Variants in CASP8 observed in about 807,000 individuals in gnomAD.
The protein encoded by CASP8 is caspase-8.
In CASP8, 24 loss-of-function variants were observed where a neutral mutation model predicts 46.3. The ratio of observed to expected loss-of-function variants is 0.52; its 90% CI spans 0.38 to 0.73. The LOEUF (loss-of-function observed/expected upper bound fraction) is 0.73, where lower values mean the gene tolerates loss of function less well. Among genes scored for constraint, CASP8 ranks in the 30% least tolerant of loss-of-function variants. The pLI is 0.00. For synonymous variants in CASP8, 188 were observed against 200.4 expected (o/e 0.94, Z 0.52); for missense variants, 460 against 559.0 (o/e 0.82, Z 1.79).
In CASP8 at chr2:201,272,211, G is replaced by A. The variant is rs1266028847; in HGVS notation, c.412-427G>A. 6.6e-6 allele frequency among the ~76,000 whole-genome samples: 1 copy of A among 151,824 alleles called. No homozygotes were observed. The highest frequency in any genetic ancestry group is 1.5e-5 in the Non-Finnish European group (1 of 67,954). On this transcript the variant is annotated intron_variant, in intron 3 of 8. Coordinates refer to ENST00000673742, the MANE Select transcript of CASP8 (RefSeq NM_001372051.1). This position sits in a 1 kb window ranked among gnomAD's most constrained non-coding sequence, Gnocchi z 4.4. ...TATACTCTGTGTGTGTTGTATCTGT[G>A]TGTGTATGTGCATGTGGTGTCTGTG...
upstream of CASP8, among the ~76,000 whole-genome samples, chr2:201,259,911 G>T (rs895996718): frequency 6.7e-6 from 1 of 149,656 alleles, no homozygotes; most frequent in Non-Finnish European, 1.5e-5. Context: ...TTTCATTTTA[G>T]AATTTTTTTA....
chr2:201,241,642 GTTC>G (rs1441848824), intron 2 of CASP8: 1 of 152,216 alleles, frequency 6.6e-6, no homozygotes, highest in African/African-American at 2.4e-5. Flanking sequence ...ATTAATGCCA[GTTC>G]TTCTTAAACT....
intron 2 of CASP8, among the ~76,000 whole-genome samples, chr2:201,267,573 G>A (rs1947911193): frequency 6.6e-6 from 1 of 152,218 alleles, no homozygotes; most frequent in Non-Finnish European, 1.5e-5. Context: ...ACCCTAGGGA[G>A]AGTGGGTAAC....
Position 201,266,808 on chromosome 2 carries a change from A to G in CASP8, c.305+17A>G. 6.3e-7 allele frequency: 1 copy of G among 1,599,822 alleles called. No individual in the cohort carries two copies. ...TGCCTACAGGTGGGTGGAAACTCCC[A>G]TTGTGGGACTGGGAGGTGTGGGTTG... is the stretch of plus-strand genomic sequence containing the variant. On this transcript the variant is annotated intron_variant, in intron 2 of 8. Coordinates refer to ENST00000673742, the MANE Select transcript of CASP8 (RefSeq NM_001372051.1). The surrounding 1 kb of genome is among the most constrained non-coding windows in gnomAD (Gnocchi z 5.7).
intron 2 of CASP8, among the ~76,000 whole-genome samples, chr2:201,270,962 G>C (rs1288707472): frequency 6.6e-6 from 1 of 152,210 alleles, no homozygotes; most frequent in East Asian, 1.9e-4. Flanking sequence ...TAGACAAGGG[G>C]ATGGGGTGTA....
intron 2 of CASP8, among the ~76,000 whole-genome samples, chr2:201,245,631 A>G (rs964581202): frequency 5.3e-5 from 8 of 152,200 alleles, no homozygotes; most frequent in Middle Eastern, 3.4e-3. Flanking sequence ...CCACTTCCTT[A>G]TCATAGACCC....
chr2:201,254,561 T>C (rs1946932704), intron 2 of CASP8, among the ~76,000 whole-genome samples: 1 of 152,220 alleles, frequency 6.6e-6, no homozygotes, highest in Admixed American at 6.5e-5. Context: ...ACTCCCACAT[T>C]GGCAACAAAC....
chr2:201,245,249 T>G (rs566090342), intron 2 of CASP8, among the ~76,000 whole-genome samples: 2 of 151,992 alleles, frequency 1.3e-5, no homozygotes, highest in African/African-American at 4.8e-5. Flanking sequence ...TTTATTTGTT[T>G]TTGTTTTTTT....
upstream of CASP8, chr2:201,258,364 C>A (rs1947138527): frequency 6.2e-7 from 1 of 1,613,748 alleles, no homozygotes; most frequent in African/African-American, 1.3e-5. Flanking sequence ...TGCGATGGTG[C>A]CAGGAAAGGG....
In CASP8 at chr2:201,266,850, G is replaced by A; in HGVS notation, c.305+59G>A. 1.5e-6 allele frequency: 2 copies of A among 1,315,986 alleles called. No individual in the cohort carries two copies. Among genetic ancestry groups the A allele is most frequent in the Non-Finnish European group, 2.1e-6 (2 of 943,310 alleles). 81.5% of individuals were successfully genotyped at this position (1,315,986 alleles called of 1,614,324 possible). On this transcript the variant is annotated intron_variant, in intron 2 of 8. Coordinates refer to ENST00000673742, the MANE Select transcript of CASP8 (RefSeq NM_001372051.1). The surrounding 1 kb of genome is among the most constrained non-coding windows in gnomAD (Gnocchi z 5.7). The stretch of plus-strand genomic sequence containing the variant: ...TGTGGGTTGAATGGACAGCCTCTGA[G>A]CTGATTGGGGCTTTTTTTTGTGGTA...
At chr2:201,253,404 G>A (rs949760669) in intron 2 of CASP8, among the ~76,000 whole-genome samples, 3 of 133,344 alleles carry the variant, frequency 2.2e-5, no homozygotes, top group Non-Finnish European at 4.6e-5. Flanking sequence ...CTGAGCTTTC[G>A]TTTCTTCAAC....
At chr2:201,269,692 T>C in intron 2 of CASP8, 1 of 875,960 alleles carries the variant, frequency 1.1e-6, no homozygotes, top group South Asian at 1.4e-5. Context: ...TCATTATCAT[T>C]GAATACTAGC....
In CASP8 at chr2:201,272,486, T is replaced by C. The variant is rs1313023595; in HGVS notation, c.412-152T>C. On this transcript the variant is annotated intron_variant, in intron 3 of 8. Transcript: ENST00000673742. This position sits in a 1 kb window ranked among gnomAD's most constrained non-coding sequence, Gnocchi z 4.4. ...ACATGGAATCGCTTCCCTAGTAGCC[T>C]GCTGGCTGTGAGAGACCAGCAGAAA... 6.2e-6 allele frequency: 5 copies of C among 804,828 alleles called. No homozygotes were observed. The African/African-American group carries it at 8.6e-5, about 14-fold the overall frequency. 49.9% of individuals were successfully genotyped at this position (804,828 alleles called of 1,614,324 possible).
chr2:201,268,629 T>A (rs2125185650), intron 2 of CASP8, among the ~76,000 whole-genome samples: 1 of 152,216 alleles, frequency 6.6e-6, no homozygotes, highest in African/African-American at 2.4e-5. Flanking sequence ...AACTAGCAGG[T>A]TTAAAACAGT....
chr2:201,263,263 A>G (rs2125109704), intron 1 of CASP8, among the ~76,000 whole-genome samples: 1 of 152,346 alleles, frequency 6.6e-6, no homozygotes, highest in South Asian at 2.1e-4. Flanking sequence ...TAAGAAAATA[A>G]TTAGAGGTAT....
Position 201,272,674 on chromosome 2 carries a change from G to A in CASP8, c.448G>A (p.Val150Ile), listed in dbSNP as rs1316616570. 1 of 1,614,080 alleles carries A rather than the reference G, an allele frequency of 6.2e-7. No homozygotes were observed. The highest frequency in any genetic ancestry group is 8.5e-7 in the Non-Finnish European group (1 of 1,179,964). The change falls in exon 4 of 9, where the codon GTC (valine) becomes ATC (isoleucine). Residue 150 changes from valine to isoleucine, a missense_variant. Val to Ile is a conservative substitution (Grantham distance 29). Transcript: ENST00000673742. The surrounding 1 kb of genome is among the most constrained non-coding windows in gnomAD (Gnocchi z 4.4). ...TATTTTCATAGAGATGGAGAAGAGG[G>A]TCATCCTGGGAGAAGGAAAGTTGGA... ...LDIFIEMEKR[V>I]ILGEGKLDIL...
rs1264825227 is a variant in CASP8, at chr2:201,272,631, C to T, written c.412-7C>T. On this transcript the variant is annotated splice_polypyrimidine_tract_variant and splice_region_variant and intron_variant, in intron 3 of 8. Coordinates refer to ENST00000673742, the MANE Select transcript of CASP8 (RefSeq NM_001372051.1). This position sits in a 1 kb window ranked among gnomAD's most constrained non-coding sequence, Gnocchi z 4.4. ...CAGATTCCCAACTTTATTTCTCCTC[C>T]TCTTAGAACCTGCTGGATATTTTCA... 3 of 1,613,874 alleles carry T rather than the reference C, an allele frequency of 1.9e-6. No individual in the cohort carries two copies. In the East Asian group the frequency reaches 6.7e-5, roughly 36 times the overall value.
At chr2:201,249,997 C>A (rs1371622844) in intron 2 of CASP8, among the ~76,000 whole-genome samples, 2 of 152,110 alleles carry the variant, frequency 1.3e-5, no homozygotes, top group Non-Finnish European at 2.9e-5. Flanking sequence ...GACATGGAAG[C>A]CTTTATAAGG....
At chr2:201,269,643 G>C (rs749952869) in intron 2 of CASP8, 2 of 1,452,514 alleles carry the variant, frequency 1.4e-6, no homozygotes, top group Admixed American at 1.8e-5. Context: ...TATTGGCTTA[G>C]AGATAAAAGG....
Sources: gnomAD v4.1 joint callset for allele counts (sites outside exome capture counted in the v4.1 genomes callset) on GRCh38, gnomAD v4.1.1 for gene constraint, Gnocchi (gnomAD v3.1) non-coding constraint, MANE v1.5 for transcripts, NCBI Gene and HGNC (gene_info 2026-07-23, HGNC 2026-07-21) for gene names.